Variants in CELF1 observed in about 807,000 individuals in gnomAD.
CELF1 encodes the protein CUGBP Elav-like family member 1.
Under a neutral mutation model 61.8 loss-of-function variants are expected in CELF1, and 10 were observed. That is an observed-to-expected ratio of 0.16 (90% CI 0.10 to 0.27). CELF1 has a LOEUF of 0.27. Ranked by LOEUF, CELF1 falls within the 10% of genes least tolerant of loss-of-function variation. The pLI, the probability that CELF1 is intolerant of heterozygous loss-of-function variation, is 1.00. For synonymous variants in CELF1, 236 were observed against 225.1 expected (o/e 1.05, Z -0.43); for missense variants, 380 against 639.1 (o/e 0.59, Z 4.37).
intron 3 of CELF1, among the ~76,000 whole-genome samples, chr11:47,490,287 C>T (rs2090735613): frequency 6.6e-6 from 1 of 152,034 alleles, no homozygotes; most frequent in Admixed American, 6.6e-5. Flanking sequence ...AAATTTAACT[C>T]TGAACATTTA....
chr11:47,475,521 C>A lies in CELF1; in HGVS notation c.1088G>T (p.Gly363Val). The A allele has an allele frequency of 6.2e-7, 1 of 1,613,748 alleles. No homozygotes were observed. Among genetic ancestry groups the A allele is most frequent in the Non-Finnish European group, 8.5e-7 (1 of 1,179,940 alleles). Residue 363 changes from glycine to valine, a missense_variant and splice_region_variant, in exon 13 of 15, where the codon GGA (glycine) becomes GTA (valine). Coordinates refer to ENST00000687097, the MANE Select transcript of CELF1 (RefSeq NM_001376376.1). ...CAGGCCACCATTTAAAGCAGCCATT[C>A]CTTGGTTGGAGGAAGAGAAGGATTA... ...TAGLNVGSLA[G>V]MAALNGGLGS...
chr11:47,535,235 T>C lies in CELF1; in HGVS notation c.-154+17757A>G, dbSNP rs368320867. On this transcript the variant is annotated intron_variant, in intron 1 of 14. Transcript: ENST00000687097. ...ACACTAATAACTACTGAAACCTAAATATAAATTCCATTTAAATGTGTTGAA... is the reference window on the plus strand; with the variant it reads ...ACACTAATAACTACTGAAACCTAAACATAAATTCCATTTAAATGTGTTGAA... Among the ~76,000 whole-genome samples the C allele has an allele frequency of 3.1e-4, 47 of 152,074 alleles. No individual in the cohort carries two copies. The East Asian group carries it at 5.0e-3, about 16-fold the overall frequency.
At chr11:47,551,272 A>G (rs1267794549) in intron 1 of CELF1, among the ~76,000 whole-genome samples, 1 of 152,204 alleles carries the variant, frequency 6.6e-6, no homozygotes, top group Non-Finnish European at 1.5e-5. Context: ...TCTGGGCCAA[A>G]GGCCATTCTT....
chr11:47,496,018 G>C, intron 3 of CELF1: 1 of 985,164 alleles, frequency 1.0e-6, no homozygotes, highest in Non-Finnish European at 1.2e-6. Context: ...CCTTATACAA[G>C]GTCCCTCTGG....
intron 1 of CELF1, among the ~76,000 whole-genome samples, chr11:47,517,234 A>C (rs983884576): frequency 2.0e-5 from 3 of 148,140 alleles, no homozygotes; most frequent in Admixed American, 1.4e-4. Flanking sequence ...CAACTGAGAG[A>C]GAGCCTGTCT....
intron 1 of CELF1, among the ~76,000 whole-genome samples, chr11:47,517,656 A>ATT (rs1049505316): frequency 1.3e-5 from 2 of 148,686 alleles, no homozygotes; most frequent in Non-Finnish European, 3.0e-5. Context: ...TTCTACAGAA[A>ATT]TTTTTTTTTT....
chr11:47,562,347 G>A (rs2097228698), intron 2 of CELF1, among the ~76,000 whole-genome samples: 2 of 151,558 alleles, frequency 1.3e-5, no homozygotes, highest in Non-Finnish European at 2.9e-5. Flanking sequence ...GCAATATGGT[G>A]AAAGCCTGTC....
chr11:47,554,771 C>T (rs1483914615), upstream of CELF1, among the ~76,000 whole-genome samples: 1 of 151,558 alleles, frequency 6.6e-6, no homozygotes, highest in Non-Finnish European at 1.5e-5. Context: ...AAGCAATTCT[C>T]CTGCCTCAGC....
At chr11:47,554,018 T>C (rs1396148185), upstream of CELF1, among the ~76,000 whole-genome samples, 1 of 152,076 alleles carries the variant, frequency 6.6e-6, no homozygotes, top group Admixed American at 6.6e-5. Flanking sequence ...TGGAAGCTTT[T>C]GGCCCCATCA....
At chr11:47,504,553 T>C in intron 1 of CELF1, among the ~76,000 whole-genome samples, 1 of 152,010 alleles carries the variant, frequency 6.6e-6, no homozygotes, top group East Asian at 1.9e-4. Flanking sequence ...CACTCCAGCA[T>C]GGGCAACAGC....
At chr11:47,508,768 T>C (rs2094776277) in intron 1 of CELF1, among the ~76,000 whole-genome samples, 1 of 151,962 alleles carries the variant, frequency 6.6e-6, no homozygotes, top group Non-Finnish European at 1.5e-5. Flanking sequence ...AATAGTCCAA[T>C]ACACAAAAAA....
intron 2 of CELF1, among the ~76,000 whole-genome samples, chr11:47,558,845 A>T (rs1216809768): frequency 1.6e-5 from 2 of 126,418 alleles, no homozygotes; most frequent in Non-Finnish European, 3.2e-5. Flanking sequence ...TGCAGCCAAT[A>T]ATATATATAT....
At chr11:47,494,146 T>C (rs1467916476) in intron 3 of CELF1, among the ~76,000 whole-genome samples, 1 of 152,218 alleles carries the variant, frequency 6.6e-6, no homozygotes, top group Non-Finnish European at 1.5e-5. Context: ...GAAATTCCTA[T>C]TTCCTGGGGC....
chr11:47,532,029 AT>A (rs1442121601), intron 1 of CELF1, among the ~76,000 whole-genome samples: 1 of 150,992 alleles, frequency 6.6e-6, no homozygotes, highest in African/African-American at 2.4e-5. Flanking sequence ...AACTGCTCTT[AT>A]TTTTATTTTT....
chr11:47,509,804 GTC>G (rs2094914781), intron 1 of CELF1, among the ~76,000 whole-genome samples: 1 of 151,306 alleles, frequency 6.6e-6, no homozygotes. Context: ...AGGTGGGCGG[GTC>G]ACTTGAGGTC....
At chr11:47,517,467 G>A (rs1248244367) in intron 1 of CELF1, among the ~76,000 whole-genome samples, 1 of 152,104 alleles carries the variant, frequency 6.6e-6, no homozygotes, top group Non-Finnish European at 1.5e-5. Flanking sequence ...AGAACACTAT[G>A]TAGCTATTAA....
intron 1 of CELF1, among the ~76,000 whole-genome samples, chr11:47,552,089 A>C (rs576528713): frequency 2.6e-5 from 4 of 152,162 alleles, no homozygotes; most frequent in Non-Finnish European, 5.9e-5. Flanking sequence ...ACACATTATA[A>C]AGCATTTCAT....
chr11:47,509,160 G>A (rs1279457124), intron 1 of CELF1, among the ~76,000 whole-genome samples: 2 of 152,212 alleles, frequency 1.3e-5, no homozygotes, highest in African/African-American at 4.8e-5. Context: ...AAACTGAAAC[G>A]CTTTGGTGAG....
Position 47,483,461 on chromosome 11 carries a change from T to C in CELF1, c.598A>G (p.Thr200Ala). The C allele has an allele frequency of 6.2e-7, 1 of 1,613,866 alleles. No individual in the cohort carries two copies. The highest frequency in any genetic ancestry group is 1.1e-5 in the South Asian group (1 of 91,082). The change falls in exon 8 of 15, where the codon ACC (threonine) becomes GCC (alanine). Residue 200 changes from threonine (T) to alanine (A), a missense_variant. Physicochemically the swap from Thr to Ala is moderately conservative, Grantham distance 58. Transcript: ENST00000687097. ...TAIKAMHQAQ[T>A]MEGCSSPMVV... ...ACCTATCTGCTCCCTACCTCCATGG[T>C]CTGTGCTTGGTGCATTGCCTTGATA...
Sources: allele counts gnomAD v4.1 joint callset (sites outside exome capture counted in the v4.1 genomes callset), GRCh38; gene constraint gnomAD v4.1.1; transcripts MANE v1.5; gene names NCBI Gene and HGNC (gene_info 2026-07-23, HGNC 2026-07-21).